Variants in ATP8B1 observed in about 807,000 individuals in gnomAD.
The protein encoded by ATP8B1 is ATPase phospholipid transporting 8B1.
A neutral mutation model predicts 149.9 loss-of-function variants in ATP8B1; 80 were observed. The ratio of observed to expected loss-of-function variants is 0.53; its 90% CI spans 0.45 to 0.64. ATP8B1 has a LOEUF of 0.64. ATP8B1 is among the 30% of genes least tolerant of loss of function. The probability of loss-of-function intolerance (pLI) is 0.00; values close to 1 mark genes in which losing one functional copy is unlikely to be tolerated. For missense variants in ATP8B1, 1,247 were observed against 1,552.6 expected, an observed-to-expected ratio of 0.80 and a Z score of 3.31; for synonymous variants, 536 against 562.8, an observed-to-expected ratio of 0.95 and a Z score of 0.67.
chr18:57,674,241 C>CAAAAAAAAAAA (rs745500180), intron 16 of ATP8B1, among the ~76,000 whole-genome samples: 2 of 82,592 alleles, frequency 2.4e-5, no homozygotes, highest in African/African-American at 4.4e-5. Flanking sequence ...GACTCCATCT[C>CAAAAAAAAAAA]AAAAAAAAAA....
chr18:57,687,688 A>C (rs1250729272), intron 13 of ATP8B1, among the ~76,000 whole-genome samples: 2 of 152,138 alleles, frequency 1.3e-5, no homozygotes, highest in East Asian at 1.9e-4. Flanking sequence ...TAGGTGTACA[A>C]ATATCTCTTT....
At chr18:57,650,737 G>A (rs1909557752) in intron 26 of ATP8B1, among the ~76,000 whole-genome samples, 1 of 152,090 alleles carries the variant, frequency 6.6e-6, no homozygotes, top group Admixed American at 6.6e-5. Flanking sequence ...CAGCTACTCA[G>A]GAGACAGCAG....
At chr18:57,674,067 C>G (rs1343981300) in intron 16 of ATP8B1, among the ~76,000 whole-genome samples, 1 of 151,850 alleles carries the variant, frequency 6.6e-6, no homozygotes, top group Non-Finnish European at 1.5e-5. Context: ...AATGTTCCAC[C>G]TGCTGCCCCA....
intron 2 of ATP8B1, among the ~76,000 whole-genome samples, chr18:57,709,433 T>C (rs1913579650): frequency 2.0e-5 from 3 of 152,172 alleles, no homozygotes; most frequent in African/African-American, 7.2e-5. Context: ...ATTAATATAA[T>C]CATAGGCACT....
At chr18:57,733,422 G>T (rs1365970594) in intron 1 of ATP8B1, among the ~76,000 whole-genome samples, 1 of 152,004 alleles carries the variant, frequency 6.6e-6, no homozygotes, top group Non-Finnish European at 1.5e-5. Flanking sequence ...AAAAATTTAA[G>T]GCAGCCACGC....
In ATP8B1 at chr18:57,669,477, A is replaced by G; in HGVS notation, c.1938T>C (p.Phe646=). The G allele has an allele frequency of 6.2e-7, 1 of 1,611,438 alleles. No homozygotes were observed. ...KQETQDALDI[F]ANETLRTLCL... The stretch of plus-strand genomic sequence containing the variant: ...ATAGGGTTCTAAGAGTTTCATTTGC[A>G]AAGATCTGTTTTATTTAAAAAAATA... The change falls in exon 18 of 28, where the codon TTT becomes TTC. Residue 646 remains phenylalanine, a synonymous_variant. Transcript: ENST00000648908.
chr18:57,650,310 G>T, intron 27 of ATP8B1, 57 bp downstream of exon 27: 1 of 1,597,788 alleles, frequency 6.3e-7, no homozygotes, highest in Admixed American at 1.7e-5. Context: ...CGTGCTGTTG[G>T]GAAACGCTTT....
intron 1 of ATP8B1, among the ~76,000 whole-genome samples, chr18:57,801,432 A>G (rs574784588): frequency 6.6e-6 from 1 of 152,258 alleles, no homozygotes; most frequent in Non-Finnish European, 1.5e-5. Context: ...AGCATTAATC[A>G]TCTTGTGCAC....
intron 1 of ATP8B1, among the ~76,000 whole-genome samples, chr18:57,746,220 C>T (rs1043089810): frequency 4.0e-4 from 61 of 152,084 alleles, no homozygotes; most frequent in African/African-American, 1.3e-3. Context: ...TCCCTATATC[C>T]AAACACTGCT....
intron 2 of ATP8B1, among the ~76,000 whole-genome samples, chr18:57,718,539 CAA>C (rs750628118): frequency 1.3e-5 from 2 of 152,070 alleles, no homozygotes; most frequent in African/African-American, 2.4e-5. Flanking sequence ...CAAAACCAGA[CAA>C]AGACACATCA....
At chr18:57,719,838 A>G (rs1163460698) in intron 2 of ATP8B1, among the ~76,000 whole-genome samples, 7 of 152,214 alleles carry the variant, frequency 4.6e-5, no homozygotes, top group Non-Finnish European at 1.0e-4. Flanking sequence ...GCAGACTTAA[A>G]TGTCCCTGTC....
chr18:57,680,330 A>T (rs576858356), intron 15 of ATP8B1, among the ~76,000 whole-genome samples: 2 of 145,930 alleles, frequency 1.4e-5, no homozygotes, highest in Non-Finnish European at 3.0e-5. Flanking sequence ...CACACCTGTA[A>T]TCCCAGCACC....
chr18:57,661,671 GTA>G (rs376931501), intron 21 of ATP8B1, among the ~76,000 whole-genome samples: 422 of 27,894 alleles, frequency 0.015, 3 homozygotes, highest in African/African-American at 0.042. Context: ...ATGTGTGTAT[GTA>G]TATACACACA....
At position 57,694,819 on chromosome 18, in the gene ATP8B1, C is replaced by T. The variant is rs1282864474; in HGVS notation, c.941-149G>A. 5 of 698,704 alleles carry T rather than the reference C, an allele frequency of 7.2e-6. No individual in the cohort carries two copies. The Admixed American group carries it at 1.1e-4, about 16-fold the overall frequency. 43.3% of individuals were successfully genotyped at this position (698,704 alleles called of 1,614,324 possible). Reference sequence around the variant, plus strand: ...CTGAGTTGGGCGGATCACCTGAGGTCAGGGGTTCGAGGCCAGCCTGGCCAA... The same window carrying T: ...CTGAGTTGGGCGGATCACCTGAGGTTAGGGGTTCGAGGCCAGCCTGGCCAA... On this transcript the variant is annotated intron_variant, in intron 10 of 27. Transcript: ENST00000648908.
chr18:57,661,778 G>A (rs1235987005), intron 21 of ATP8B1, among the ~76,000 whole-genome samples: 2 of 144,632 alleles, frequency 1.4e-5, no homozygotes, highest in East Asian at 2.0e-4. Flanking sequence ...GCAGTGGCAC[G>A]ATCTCGGCTC....
chr18:57,793,064 A>G (rs1291843207), intron 1 of ATP8B1, among the ~76,000 whole-genome samples: 1 of 152,226 alleles, frequency 6.6e-6, no homozygotes, highest in Non-Finnish European at 1.5e-5. Flanking sequence ...CCAAAGCCTT[A>G]TATGTATGTT....
chr18:57,791,155 G>A (rs1286321311), intron 1 of ATP8B1, among the ~76,000 whole-genome samples: 1 of 152,106 alleles, frequency 6.6e-6, no homozygotes, highest in Admixed American at 6.6e-5. Context: ...ATTCCCCACT[G>A]GCTCCAGCCC....
intron 1 of ATP8B1, among the ~76,000 whole-genome samples, chr18:57,789,178 T>C (rs553158868): frequency 6.6e-6 from 1 of 152,324 alleles, no homozygotes; most frequent in African/African-American, 2.4e-5. Flanking sequence ...GACACACTTA[T>C]ACTAAAAAAA....
chr18:57,796,462 C>T (rs1024318746), intron 1 of ATP8B1, among the ~76,000 whole-genome samples: 2 of 152,140 alleles, frequency 1.3e-5, no homozygotes, highest in African/African-American at 4.8e-5. Flanking sequence ...TGGGTAATAT[C>T]TTGAGACCCT....
Sources: allele counts gnomAD v4.1 joint callset (sites outside exome capture counted in the v4.1 genomes callset), GRCh38; gene constraint gnomAD v4.1.1; transcripts MANE v1.5; gene names NCBI Gene and HGNC (gene_info 2026-07-23, HGNC 2026-07-21).